Variants in CNTNAP2 observed in about 807,000 individuals in gnomAD.
The protein encoded by CNTNAP2 is contactin associated protein 2, also known as contactin-associated protein-like 2.
Under a neutral mutation model 155.2 loss-of-function variants are expected in CNTNAP2, and 98 were observed. The observed-to-expected ratio is 0.63, with a 90% CI of 0.54 to 0.75. The LOEUF (loss-of-function observed/expected upper bound fraction) is 0.75, where lower values mean the gene tolerates loss of function less well. Ranked by LOEUF, CNTNAP2 falls within the 30% of genes least tolerant of loss-of-function variation. The pLI is 0.00. For missense variants in CNTNAP2, 1,727 were observed against 1,688.1 expected (o/e 1.02, Z -0.40); for synonymous variants, 651 against 631.2 (o/e 1.03, Z -0.47).
chr7:146,889,830 T>A (rs1209661230), intron 3 of CNTNAP2, among the ~76,000 whole-genome samples: 2 of 152,150 alleles, frequency 1.3e-5, no homozygotes, highest in African/African-American at 4.8e-5. Flanking sequence ...AATCCCCATG[T>A]CTTTCTTGGT....
intron 13 of CNTNAP2, among the ~76,000 whole-genome samples, chr7:147,823,359 C>G (rs988310791): frequency 6.6e-6 from 1 of 152,098 alleles, no homozygotes; most frequent in East Asian, 1.9e-4. Flanking sequence ...TTGTCACTCC[C>G]TAGGGCCTTG....
intron 19 of CNTNAP2, among the ~76,000 whole-genome samples, chr7:148,227,893 G>A (rs1392736763): frequency 7.7e-6 from 1 of 130,026 alleles, no homozygotes; most frequent in Non-Finnish European, 1.7e-5. Context: ...GCGTGTGTGT[G>A]TGTGTGTGTG....
intron 15 of CNTNAP2, among the ~76,000 whole-genome samples, chr7:148,108,068 C>G (rs1046435122): frequency 6.6e-6 from 1 of 152,220 alleles, no homozygotes; most frequent in African/African-American, 2.4e-5. Context: ...TCTCTTCCCC[C>G]TTCCTAATTC....
At chr7:146,167,564 T>C (rs1798330226) in intron 1 of CNTNAP2, among the ~76,000 whole-genome samples, 1 of 152,172 alleles carries the variant, frequency 6.6e-6, no homozygotes, top group South Asian at 2.1e-4. Context: ...GTGGTTCAGA[T>C]GAAAAGGAGT....
At chr7:146,976,002 C>T (rs556968745) in intron 3 of CNTNAP2, among the ~76,000 whole-genome samples, 23 of 152,106 alleles carry the variant, frequency 1.5e-4, no homozygotes, top group African/African-American at 3.6e-4. Flanking sequence ...GCGAAGAAAC[C>T]GGTATGTAAT....
rs1259775830 is a variant in CNTNAP2 at position 147,628,957 on chromosome 7, T to C, written c.1898-10149T>C. Among the ~76,000 whole-genome samples the C allele has an allele frequency of 5.3e-5, 8 of 149,900 alleles. No homozygotes were observed. In the East Asian group the frequency reaches 1.6e-3, roughly 29 times the overall value. On this transcript the variant is annotated intron_variant, in intron 12 of 23. Coordinates refer to ENST00000361727, the MANE Select transcript of CNTNAP2 (RefSeq NM_014141.6). ...GAAAAATATCACAATTCTAAATATATATGCACCTAACACTGGAGCTCCCAA... is the reference window on the plus strand; with the variant it reads ...GAAAAATATCACAATTCTAAATATACATGCACCTAACACTGGAGCTCCCAA...
chr7:147,107,845 T>A (rs1209486712), intron 4 of CNTNAP2, among the ~76,000 whole-genome samples: 1 of 152,134 alleles, frequency 6.6e-6, no homozygotes, highest in Non-Finnish European at 1.5e-5. Flanking sequence ...TGGTCTAAAC[T>A]CTAGATTTCT....
chr7:148,349,610 A>G (rs899722228), intron 21 of CNTNAP2, among the ~76,000 whole-genome samples: 4 of 151,838 alleles, frequency 2.6e-5, no homozygotes, highest in Non-Finnish European at 4.4e-5. Context: ...ACTGCGTTAG[A>G]CAGGATGGTC....
chr7:148,172,493 A>C lies in CNTNAP2; in HGVS notation c.3010+15A>C. ...TTGCAACAAAGGTAAGGTGGAACCC[A>C]TTTCCAGAGCCACTTTTGCGTGTCT... On this transcript the variant is annotated intron_variant, in intron 18 of 23. Transcript: ENST00000361727. The C allele has an allele frequency of 2.5e-6, 4 of 1,608,180 alleles. No individual in the cohort carries two copies. The highest frequency in any genetic ancestry group is 3.4e-6 in the Non-Finnish European group (4 of 1,174,650).
chr7:146,819,723 A>G (rs1164487966), intron 2 of CNTNAP2, among the ~76,000 whole-genome samples: 1 of 152,006 alleles, frequency 6.6e-6, no homozygotes, highest in East Asian at 1.9e-4. Flanking sequence ...TCATCCCCAA[A>G]TCTCTTTCTC....
chr7:147,981,525 G>A (rs1801529339), intron 15 of CNTNAP2, among the ~76,000 whole-genome samples: 1 of 152,224 alleles, frequency 6.6e-6, no homozygotes, highest in African/African-American at 2.4e-5. Flanking sequence ...GAGGAGTTGA[G>A]TGATGACAGC....
chr7:148,014,672 C>A (rs1303602702), intron 15 of CNTNAP2, among the ~76,000 whole-genome samples: 1 of 152,112 alleles, frequency 6.6e-6, no homozygotes, highest in African/African-American at 2.4e-5. Context: ...ATAAAGAGCT[C>A]GAAGAATGAA....
chr7:147,035,176 C>G (rs1799130803), intron 3 of CNTNAP2, among the ~76,000 whole-genome samples: 1 of 152,172 alleles, frequency 6.6e-6, no homozygotes, highest in Non-Finnish European at 1.5e-5. Context: ...CAAGGTCCCT[C>G]CTGTCAGGAA....
At chr7:147,642,799 T>C (rs561463267) in intron 13 of CNTNAP2, among the ~76,000 whole-genome samples, 11 of 152,330 alleles carry the variant, frequency 7.2e-5, no homozygotes, top group Non-Finnish European at 1.6e-4. Context: ...TAATAAATAA[T>C]ACTTCAAAAA....
chr7:147,832,930 A>T (rs910794040), intron 13 of CNTNAP2, among the ~76,000 whole-genome samples: 6 of 150,098 alleles, frequency 4.0e-5, no homozygotes, highest in Non-Finnish European at 8.9e-5. Context: ...AACATGATTC[A>T]AAGAGTCAGA....
At chr7:146,218,495 T>G (rs1466862891) in intron 1 of CNTNAP2, among the ~76,000 whole-genome samples, 1 of 151,232 alleles carries the variant, frequency 6.6e-6, no homozygotes, top group East Asian at 2.0e-4. Flanking sequence ...GGTGACAGAG[T>G]GAGACTCTGT....
intron 1 of CNTNAP2, among the ~76,000 whole-genome samples, chr7:146,423,351 ATTACAGTTC>A (rs1796041958): frequency 6.6e-6 from 1 of 152,302 alleles, no homozygotes; most frequent in East Asian, 1.9e-4. Flanking sequence ...GAAAATGAAT[ATTACAGTTC>A]TTCCCCTCAA....
chr7:147,732,186 C>CT (rs1265369838), intron 13 of CNTNAP2, among the ~76,000 whole-genome samples: 1 of 100,614 alleles, frequency 9.9e-6, no homozygotes, highest in Non-Finnish European at 2.0e-5. Context: ...ATCCCTCCCC[C>CT]CCCCACCACC....
intron 3 of CNTNAP2, among the ~76,000 whole-genome samples, chr7:146,893,019 TA>T (rs1235266267): frequency 6.6e-6 from 1 of 152,178 alleles, no homozygotes; most frequent in East Asian, 1.9e-4. Context: ...CAGTAATTGG[TA>T]GGAAAAAATA....
Sources: allele counts gnomAD v4.1 joint callset (sites outside exome capture counted in the v4.1 genomes callset), GRCh38; gene constraint gnomAD v4.1.1; transcripts MANE v1.5; gene names NCBI Gene and HGNC (gene_info 2026-07-23, HGNC 2026-07-21).